LDAH: variants seen among roughly 807,000 people sequenced by gnomAD.
LDAH encodes the protein lipid droplet associated hydrolase.
A neutral mutation model predicts 29.6 loss-of-function variants in LDAH; 26 were observed. The observed-to-expected ratio is 0.88, with a 90% CI of 0.64 to 1.22. The LOEUF is 1.22. Among genes scored for constraint, LDAH ranks in the 50% most tolerant of loss-of-function variants. The pLI is 0.00. For synonymous variants in LDAH, 117 were observed against 133.0 expected, an observed-to-expected ratio of 0.88 and a Z score of 0.83; for missense variants, 344 against 387.3, an observed-to-expected ratio of 0.89 and a Z score of 0.94.
intron 5 of LDAH, among the ~76,000 whole-genome samples, chr2:20,727,216 T>C (rs1666081719): frequency 6.6e-6 from 1 of 152,012 alleles, no homozygotes; most frequent in African/African-American, 2.4e-5. Context: ...GTCTCTAATA[T>C]AAATAAATAA....
At chr2:20,750,245 CG>C (rs1467937020) in intron 4 of LDAH, among the ~76,000 whole-genome samples, 12 of 152,182 alleles carry the variant, frequency 7.9e-5, no homozygotes, top group Admixed American at 7.9e-4. Flanking sequence ...AGGCTGGTTT[CG>C]AACTCCTGAC....
At chr2:20,789,217 A>C in intron 3 of LDAH, 1 of 1,550,554 alleles carries the variant, frequency 6.4e-7, no homozygotes, top group Non-Finnish European at 8.7e-7. Context: ...AAATGCTATT[A>C]AGAGGTGGAG....
rs1662480218 is a variant in LDAH at position 20,685,316 on chromosome 2, A to T, written c.*1587T>A. ...GTATCAGTGAGTATCTCCTGTATGC[A>T]AGGCGCTCAGAGCCATGATTCCTAG... On this transcript the variant is annotated 3_prime_UTR_variant, in exon 7 of 7. Coordinates refer to ENST00000237822, the MANE Select transcript of LDAH (RefSeq NM_021925.4). 1 of 564,358 alleles carries T rather than the reference A, an allele frequency of 1.8e-6. No homozygotes were observed. Among genetic ancestry groups the T allele is most frequent in the African/African-American group, 1.9e-5 (1 of 52,650 alleles). The allele number at this position is 564,358 out of a possible 1,614,324, so 35.0% of individuals were successfully genotyped here. A position where few individuals can be genotyped will look rare whatever the true frequency, so the allele number is the denominator to read the frequency against.
intron 5 of LDAH, among the ~76,000 whole-genome samples, chr2:20,716,852 A>G (rs1455570627): frequency 1.1e-5 from 1 of 92,988 alleles, no homozygotes; most frequent in African/African-American, 3.1e-5. Flanking sequence ...TCGGAATTGG[A>G]TTTTTTTTTC....
chr2:20,740,344 C>T, intron 4 of LDAH, 139 bp from the exon 5 acceptor site: 1 of 642,662 alleles, frequency 1.6e-6, no homozygotes, highest in East Asian at 2.7e-5. Context: ...AGAACCACCA[C>T]TCACCACCCT....
At chr2:20,774,261 A>C (rs1218260874) in intron 4 of LDAH, among the ~76,000 whole-genome samples, 1 of 152,186 alleles carries the variant, frequency 6.6e-6, no homozygotes, top group African/African-American at 2.4e-5. Context: ...TATCTGGCAC[A>C]CAGTGGTATC....
chr2:20,761,553 A>C (rs1021372232), intron 4 of LDAH, among the ~76,000 whole-genome samples: 1 of 152,214 alleles, frequency 6.6e-6, no homozygotes, highest in African/African-American at 2.4e-5. Flanking sequence ...GTCTATTTAT[A>C]AACTATCTTG....
At chr2:20,701,802 C>A in intron 5 of LDAH, 150 bp from the exon 6 acceptor site, 1 of 663,050 alleles carries the variant, frequency 1.5e-6, no homozygotes, top group South Asian at 1.8e-5. Flanking sequence ...GAATGTGAGT[C>A]AGGCAACATG....
At chr2:20,752,589 G>T (rs1668041801) in intron 4 of LDAH, among the ~76,000 whole-genome samples, 1 of 150,210 alleles carries the variant, frequency 6.7e-6, no homozygotes, top group East Asian at 2.0e-4. Context: ...CACTGAACAA[G>T]ACAGATACAC....
intron 5 of LDAH, among the ~76,000 whole-genome samples, chr2:20,728,915 A>C (rs2149415395): frequency 6.6e-6 from 1 of 152,326 alleles, no homozygotes; most frequent in East Asian, 1.9e-4. Context: ...GAAAGGATGT[A>C]AGAAATAGGA....
At chr2:20,702,737 CA>C (rs1386379119) in intron 5 of LDAH, among the ~76,000 whole-genome samples, 2 of 152,224 alleles carry the variant, frequency 1.3e-5, no homozygotes, top group African/African-American at 2.4e-5. Context: ...CTCATCTAAA[CA>C]AGGCATGACC....
rs763755196 is a variant in LDAH, at chr2:20,790,339, T to C, written c.214A>G (p.Asn72Asp). 6.8e-6 allele frequency: 11 copies of C among 1,614,182 alleles called. No individual in the cohort carries two copies. Among genetic ancestry groups the C allele is most frequent in the East Asian group, 6.7e-5 (3 of 44,886 alleles). Residue 72 changes from asparagine to aspartate, a missense_variant, in exon 3 of 7, where the codon AAC (asparagine) becomes GAC (aspartate). Physicochemically the swap from Asn to Asp is conservative, Grantham distance 23. Transcript: ENST00000237822. The stretch of plus-strand genomic sequence containing the variant: ...ATAGTCCAAACTGGAAAGCGTCTGT[T>C]TGTCAAAGAGTATAAAGCCTTTGCA... ...PFAKALYSLT[N>D]RRFPVWTISH...
intron 4 of LDAH, among the ~76,000 whole-genome samples, chr2:20,755,064 T>G (rs1425672756): frequency 6.6e-6 from 1 of 151,916 alleles, no homozygotes; most frequent in Non-Finnish European, 1.5e-5. Flanking sequence ...TCTTTAGGGA[T>G]AAGGGGCAAT....
chr2:20,782,304 T>C (rs1374600546), intron 3 of LDAH, among the ~76,000 whole-genome samples: 1 of 152,174 alleles, frequency 6.6e-6, no homozygotes, highest in Non-Finnish European at 1.5e-5. Flanking sequence ...ATCCTCTGAG[T>C]CTGTTTTCAA....
chr2:20,717,453 T>C (rs183994431), intron 5 of LDAH, among the ~76,000 whole-genome samples: 8 of 152,202 alleles, frequency 5.3e-5, no homozygotes, highest in Admixed American at 4.6e-4. Context: ...ATTTCAGAAG[T>C]TACTCAAATT....
At chr2:20,818,195 C>T (rs1271942852) in intron 1 of LDAH, among the ~76,000 whole-genome samples, 2 of 152,096 alleles carry the variant, frequency 1.3e-5, no homozygotes, top group Non-Finnish European at 2.9e-5. Flanking sequence ...ACCATTGAGG[C>T]AGGCAGTCTG....
At chr2:20,770,761 C>G (rs1311963741) in intron 4 of LDAH, among the ~76,000 whole-genome samples, 8 of 152,180 alleles carry the variant, frequency 5.3e-5, no homozygotes, top group Admixed American at 4.6e-4. Context: ...CTATCATCCA[C>G]AGGTTGAAGG....
chr2:20,772,732 G>C (rs1669516781), intron 4 of LDAH, among the ~76,000 whole-genome samples: 1 of 152,146 alleles, frequency 6.6e-6, no homozygotes, highest in African/African-American at 2.4e-5. Flanking sequence ...TCTTCTTCCA[G>C]GTGTGCTCTA....
intron 6 of LDAH, among the ~76,000 whole-genome samples, chr2:20,693,108 A>C (rs1663157728): frequency 6.6e-6 from 1 of 152,010 alleles, no homozygotes; most frequent in Non-Finnish European, 1.5e-5. Flanking sequence ...GTGCCTGTTT[A>C]CTCATCTGTA....
Sources: gnomAD v4.1 joint callset for allele counts (sites outside exome capture counted in the v4.1 genomes callset) on GRCh38, gnomAD v4.1.1 for gene constraint, MANE v1.5 for transcripts, NCBI Gene and HGNC (gene_info 2026-07-23, HGNC 2026-07-21) for gene names.